The following DPP6 variants were observed in gnomAD, a reference collection of about 807,000 sequenced individuals.
DPP6 encodes the protein A-type potassium channel modulatory protein DPP6.
DPP6 carries 69 observed loss-of-function variants against 122.6 expected under a neutral mutation model. The ratio of observed to expected loss-of-function variants is 0.56; its 90% confidence interval spans 0.46 to 0.69. The LOEUF (loss-of-function observed/expected upper bound fraction) is 0.69, where lower values mean the gene tolerates loss of function less well. Among genes scored for constraint, DPP6 ranks in the 30% least tolerant of loss-of-function variants. DPP6 has a pLI of 0.00. For synonymous variants in DPP6, 418 were observed against 433.1 expected (o/e 0.97, Z 0.43); for missense variants, 928 against 1,116.9 (o/e 0.83, Z 2.41).
Position 154,804,897 on chromosome 7 carries a change from C to T in DPP6, c.1500-20C>T. The T allele has an allele frequency of 6.3e-7, 1 of 1,596,654 alleles. No individual in the cohort carries two copies. Among genetic ancestry groups the T allele is most frequent in the Non-Finnish European group, 8.5e-7 (1 of 1,171,080 alleles). On this transcript the variant is annotated intron_variant, in intron 14 of 25. Transcript: ENST00000377770. ...TGCCTTGGAGCAAACTAACCCTGTG[C>T]ACCTTGGTGATCTTTGCAGCTACTT...
intron 1 of DPP6, among the ~76,000 whole-genome samples, chr7:154,343,276 C>G (rs1425444055): frequency 2.0e-5 from 3 of 152,190 alleles, no homozygotes; most frequent in Non-Finnish European, 4.4e-5. Context: ...GCAGATTCCC[C>G]AAAGGCACAC....
At chr7:153,991,414 T>C (rs1275489971) in intron 1 of DPP6, among the ~76,000 whole-genome samples, 1 of 152,226 alleles carries the variant, frequency 6.6e-6, no homozygotes, top group Admixed American at 6.5e-5. Context: ...TAAATATTCA[T>C]GCAAAGCTAT....
At chr7:154,355,063 G>A (rs1170135441) in intron 1 of DPP6, among the ~76,000 whole-genome samples, 2 of 152,318 alleles carry the variant, frequency 1.3e-5, no homozygotes, top group Middle Eastern at 6.8e-3. Flanking sequence ...TACCATTCTG[G>A]TAGGATCCCA....
intron 1 of DPP6, among the ~76,000 whole-genome samples, chr7:154,144,737 A>C (rs188209332): frequency 6.6e-6 from 1 of 152,148 alleles, no homozygotes; most frequent in African/African-American, 2.4e-5. Flanking sequence ...ACATGATGTC[A>C]TAAGGATGGG....
chr7:153,795,373 C>A, the DPP6 span, among the ~76,000 whole-genome samples: 1 of 152,172 alleles, frequency 6.6e-6, no homozygotes, highest in Non-Finnish European at 1.5e-5. Flanking sequence ...TAGGATTGCG[C>A]CACTGCACTG....
At chr7:153,918,598 CTCTCTCTCTCTCTCTCTCTCTG>C (rs1433600933) in intron 1 of DPP6, among the ~76,000 whole-genome samples, 24 of 131,702 alleles carry the variant, frequency 1.8e-4, no homozygotes, top group Admixed American at 1.1e-3. Context: ...CTCTCTCTCT[CTCTCTCTCTCTCTCTCTCTCTG>C]TCTCTCTCAC....
At chr7:154,539,494 C>A (rs1367788071) in intron 3 of DPP6, among the ~76,000 whole-genome samples, 2 of 151,654 alleles carry the variant, frequency 1.3e-5, no homozygotes, top group Non-Finnish European at 2.9e-5. Context: ...CGGTGGGGGG[C>A]AGGGGGAGGG....
the DPP6 span, among the ~76,000 whole-genome samples, chr7:153,849,468 C>T: frequency 6.6e-6 from 1 of 152,102 alleles, no homozygotes; most frequent in Non-Finnish European, 1.5e-5. Context: ...TTTCCTGATG[C>T]TCCATAAAAC....
chr7:154,574,206 G>T (rs1831303686), intron 5 of DPP6, among the ~76,000 whole-genome samples: 1 of 151,628 alleles, frequency 6.6e-6, no homozygotes, highest in South Asian at 2.1e-4. Flanking sequence ...GTGTATGTGT[G>T]TGGGGTCTGT....
rs1262926771 is a variant in DPP6, at chr7:153,909,629, G to A, written c.51+21895G>A. On this transcript the variant is annotated intron_variant, in intron 1 of 25. Coordinates refer to the DPP6 transcript ENST00000404039. ...AGAATTACCTGTCCACATCGCAAACGACCTCCTTCCCACTATATTCAGTGG... is the reference window on the plus strand; with the variant it reads ...AGAATTACCTGTCCACATCGCAAACAACCTCCTTCCCACTATATTCAGTGG... Among the ~76,000 whole-genome samples the A allele has an allele frequency of 3.3e-5, 5 of 151,960 alleles. No homozygotes were observed. The East Asian group carries it at 5.8e-4, about 18-fold the overall frequency.
chr7:153,982,944 G>C (rs192094497), intron 1 of DPP6, among the ~76,000 whole-genome samples: 1 of 152,316 alleles, frequency 6.6e-6, no homozygotes, highest in East Asian at 1.9e-4. Flanking sequence ...GCACCCACCA[G>C]ATGCCAGTCA....
At chr7:154,060,263 C>T (rs564163791) in intron 1 of DPP6, among the ~76,000 whole-genome samples, 4 of 135,118 alleles carry the variant, frequency 3.0e-5, no homozygotes, top group East Asian at 4.2e-4. Context: ...GGAGGCACCC[C>T]CCGCGAGGCA....
At chr7:154,555,606 T>G (rs1159659592) in intron 4 of DPP6, among the ~76,000 whole-genome samples, 2 of 151,780 alleles carry the variant, frequency 1.3e-5, no homozygotes, top group African/African-American at 4.8e-5. Context: ...CCCTAAAACT[T>G]AAAGTATAAT....
At chr7:154,886,051 A>G (rs749634787) in intron 22 of DPP6, among the ~76,000 whole-genome samples, 9 of 152,234 alleles carry the variant, frequency 5.9e-5, no homozygotes, top group Non-Finnish European at 1.2e-4. Context: ...CAGGGTGCGC[A>G]GGAGGGGAGC....
At chr7:154,111,393 T>C (rs1563209725) in intron 1 of DPP6, among the ~76,000 whole-genome samples, 1 of 152,106 alleles carries the variant, frequency 6.6e-6, no homozygotes, top group Non-Finnish European at 1.5e-5. Flanking sequence ...TAAGAATGTT[T>C]TGAGAAACAA....
At chr7:153,955,177 CAAGGGGT>C (rs1451349334) in intron 1 of DPP6, among the ~76,000 whole-genome samples, 1 of 152,050 alleles carries the variant, frequency 6.6e-6, no homozygotes, top group Non-Finnish European at 1.5e-5. Flanking sequence ...GGTAGGAAAA[CAAGGGGT>C]AGATTAATGT....
chr7:154,675,516 C>G (rs1838844563), intron 7 of DPP6, among the ~76,000 whole-genome samples: 1 of 152,162 alleles, frequency 6.6e-6, no homozygotes, highest in Non-Finnish European at 1.5e-5. Flanking sequence ...TGGTCACAAG[C>G]TAGCTTAGTG....
rs560916353 is a variant in DPP6, at chr7:154,833,101, G to T, written c.1667-20679G>T. On this transcript the variant is annotated intron_variant, in intron 16 of 25. Coordinates refer to ENST00000377770, the MANE Select transcript of DPP6 (RefSeq NM_130797.4). This position sits in a 1 kb window ranked among gnomAD's most constrained non-coding sequence, Gnocchi z 4.3. Reference sequence around the variant, plus strand: ...AACCAGTCAAGGGACCCAAGCTTGGGGAAGGGACTAGCACGTGCTGAGACC... The same window carrying T: ...AACCAGTCAAGGGACCCAAGCTTGGTGAAGGGACTAGCACGTGCTGAGACC... 2.0e-5 allele frequency among the ~76,000 whole-genome samples: 3 copies of T among 152,298 alleles called. No individual in the cohort carries two copies. In the South Asian group the frequency reaches 6.2e-4, roughly 32 times the overall value.
chr7:153,851,903 A>C, the DPP6 span, among the ~76,000 whole-genome samples: 1 of 152,212 alleles, frequency 6.6e-6, no homozygotes, highest in Non-Finnish European at 1.5e-5. Flanking sequence ...TACGTATATC[A>C]AATGGTATTT....
Sources: allele counts gnomAD v4.1 joint callset (sites outside exome capture counted in the v4.1 genomes callset), GRCh38; gene constraint gnomAD v4.1.1; non-coding constraint Gnocchi (gnomAD v3.1); transcripts MANE v1.5; gene names NCBI Gene and HGNC (gene_info 2026-07-23, HGNC 2026-07-21).